Variants in RHPN2 observed in about 807,000 individuals in gnomAD.
RHPN2 encodes rhophilin Rho GTPase binding protein 2.
RHPN2 carries 40 observed loss-of-function variants against 79.0 expected under a neutral mutation model. That is an observed-to-expected ratio of 0.51 (90% CI 0.39 to 0.66). The LOEUF (loss-of-function observed/expected upper bound fraction) is 0.66, where lower values mean the gene tolerates loss of function less well. Ranked by LOEUF, RHPN2 falls within the 30% of genes least tolerant of loss-of-function variation. RHPN2 has a pLI of 0.00. For synonymous variants in RHPN2, 285 were observed against 363.5 expected, an observed-to-expected ratio of 0.78 and a Z score of 2.46; for missense variants, 686 against 883.5, an observed-to-expected ratio of 0.78 and a Z score of 2.83.
intron 1 of RHPN2, among the ~76,000 whole-genome samples, chr19:33,046,804 C>T (rs1972146388): frequency 6.6e-6 from 1 of 151,962 alleles, no homozygotes; most frequent in Non-Finnish European, 1.5e-5. Flanking sequence ...TTTTCATGAA[C>T]TTATTGGCCA....
chr19:33,041,768 C>A (rs1459800762), intron 2 of RHPN2, among the ~76,000 whole-genome samples: 1 of 152,150 alleles, frequency 6.6e-6, no homozygotes, highest in East Asian at 1.9e-4. Flanking sequence ...AACATCACTT[C>A]CCTAGGTGAT....
chr19:33,053,682 A>G (rs1972208107), intron 1 of RHPN2, among the ~76,000 whole-genome samples: 1 of 152,014 alleles, frequency 6.6e-6, no homozygotes, highest in Non-Finnish European at 1.5e-5. Flanking sequence ...TTGGCCTCCA[A>G]AGTGCTGGGA....
At chr19:33,012,540 A>AC in intron 5 of RHPN2, 107 bp downstream of exon 5, 1 of 798,618 alleles carries the variant, frequency 1.3e-6, no homozygotes, top group Middle Eastern at 3.0e-4. Flanking sequence ...CCCAACCATC[A>AC]CCTCTATCCA....
rs144126868 is a variant in RHPN2, at chr19:33,017,896, C to A, written c.390+3675G>T. 8.0e-3 allele frequency among the ~76,000 whole-genome samples: 1,211 copies of A among 151,998 alleles called. 15 individuals carry two copies. The highest frequency in any genetic ancestry group is 0.027 in the African/African-American group (1,132 of 41,468). On this transcript the variant is annotated intron_variant, in intron 4 of 14. Coordinates refer to ENST00000254260, the MANE Select transcript of RHPN2 (RefSeq NM_033103.5). ...ATTAGCCTGGCACGGTGGCTCATGCCTCTAATCCCAGCACTTTGAGAGCCT... is the reference window on the plus strand; with the variant it reads ...ATTAGCCTGGCACGGTGGCTCATGCATCTAATCCCAGCACTTTGAGAGCCT...
intron 1 of RHPN2, among the ~76,000 whole-genome samples, chr19:33,048,739 A>AAAAAAAAAC (rs1972163587): frequency 6.6e-6 from 1 of 151,216 alleles, no homozygotes; most frequent in Non-Finnish European, 1.5e-5. Context: ...AAAAAAAAAA[A>AAAAAAAAAC]AAAAAACTTT....
At chr19:33,041,541 C>A (rs1972100399) in intron 2 of RHPN2, among the ~76,000 whole-genome samples, 1 of 152,164 alleles carries the variant, frequency 6.6e-6, no homozygotes, top group Non-Finnish European at 1.5e-5. Flanking sequence ...CCAACCCAAC[C>A]ACTGCCAGTT....
chr19:33,002,313 C>T lies in RHPN2; in HGVS notation c.1039G>A (p.Val347Met), dbSNP rs767959366. ...IPYSWASLACVKAHHYAALAH... is the reference protein window; with the variant it reads ...IPYSWASLACMKAHHYAALAH... Reference sequence around the variant, plus strand: ...AGGGCCGCGTAGTGGTGGGCCTTCACGCAGGCTAAGCTGGCCCAGGAGTAG... The same window carrying T: ...AGGGCCGCGTAGTGGTGGGCCTTCATGCAGGCTAAGCTGGCCCAGGAGTAG... The change falls in exon 9 of 15, where the codon GTG becomes ATG. Residue 347 changes from valine (V) to methionine (M), a missense_variant. Val to Met is a conservative substitution (Grantham distance 21). Coordinates refer to ENST00000254260, the MANE Select transcript of RHPN2 (RefSeq NM_033103.5). 36 of 1,613,792 alleles carry T rather than the reference C, an allele frequency of 2.2e-5. 1 individual carries two copies. Among genetic ancestry groups the T allele is most frequent in the South Asian group, 1.9e-4 (17 of 91,076 alleles).
At chr19:33,031,403 G>T (rs143899084) in intron 2 of RHPN2, among the ~76,000 whole-genome samples, 3,360 of 151,724 alleles carry the variant, frequency 0.022, 142 homozygotes, top group African/African-American at 0.078. Flanking sequence ...GGGACTACAG[G>T]CATGCACCAC....
intron 3 of RHPN2, among the ~76,000 whole-genome samples, chr19:33,024,062 T>C (rs1276892234): frequency 8.5e-5 from 13 of 152,142 alleles, no homozygotes; most frequent in South Asian, 4.1e-4. Flanking sequence ...CCTGAACCTT[T>C]TGGACAAACA....
At position 32,991,954 on chromosome 19, in the gene RHPN2, A is replaced by G; in HGVS notation, c.1513T>C (p.Phe505Leu). The stretch of plus-strand genomic sequence containing the variant: ...GGCGTCCACCGCTTGTTAGCCGAAA[A>G]CACAGATAAGGGGCCCTTTGGAAGA... ...FFQKLGPLSVFSANKRWTPPR... is the reference protein window; with the variant it reads ...FFQKLGPLSVLSANKRWTPPR... Residue 505 changes from phenylalanine to leucine, a missense_variant, in exon 13 of 15, where the codon TTT becomes CTT. By Grantham distance (22) the Phe-to-Leu change is conservative. Transcript: ENST00000254260. The G allele has an allele frequency of 6.2e-7, 1 of 1,613,972 alleles. No individual in the cohort carries two copies. Among genetic ancestry groups the G allele is most frequent in the Admixed American group, 1.7e-5 (1 of 59,998 alleles).
At chr19:32,991,714 C>G (rs1188727832) in intron 13 of RHPN2, 109 bp downstream of exon 13, 1 of 1,211,598 alleles carries the variant, frequency 8.3e-7, no homozygotes, top group African/African-American at 1.5e-5. Context: ...AATGTAGCAC[C>G]CATGAGGCCC....
In RHPN2 at chr19:33,044,272, C is replaced by T; in HGVS notation, c.162G>A (p.Arg54=). Residue 54 remains arginine, a synonymous_variant, in exon 2 of 15, where the codon AGG becomes AGA. Coordinates refer to ENST00000254260, the MANE Select transcript of RHPN2 (RefSeq NM_033103.5). ...ACTTCAGAAGGTTTTCCGCTCCGGT[C>T]CTCATCCGCACGGCTTTCAGGATCT... is the stretch of plus-strand genomic sequence containing the variant. ...NQQILKAVRM[R]TGAENLLKVA... The T allele has an allele frequency of 6.2e-7, 1 of 1,613,990 alleles. No homozygotes were observed. Among genetic ancestry groups the T allele is most frequent in the Non-Finnish European group, 8.5e-7 (1 of 1,179,972 alleles).
chr19:33,028,046 C>T (rs1309959688), intron 2 of RHPN2, among the ~76,000 whole-genome samples: 1 of 151,952 alleles, frequency 6.6e-6, no homozygotes, highest in Admixed American at 6.6e-5. Flanking sequence ...TCTTTATTTA[C>T]AGATGGCACT....
At chr19:32,983,710 C>T (rs1971595279) in intron 14 of RHPN2, among the ~76,000 whole-genome samples, 1 of 150,588 alleles carries the variant, frequency 6.6e-6, no homozygotes, top group Admixed American at 6.6e-5. Flanking sequence ...TCACTGCAAC[C>T]TCCACCTCCA....
At chr19:33,013,201 AC>A (rs1182614999) in intron 4 of RHPN2, among the ~76,000 whole-genome samples, 10,340 of 94,620 alleles carry the variant, frequency 0.11, 830 homozygotes, top group African/African-American at 0.28. Flanking sequence ...AAAAACAAAA[AC>A]AAAAAACAAA....
In RHPN2 at chr19:33,036,870, G is replaced by GCCCCCC. The variant is rs199550754; in HGVS notation, c.185+7373_185+7378dup. Among the ~76,000 whole-genome samples the GCCCCCC allele has an allele frequency of 7.8e-4, 110 of 141,294 alleles. 1 individual carries two copies. The highest frequency in any genetic ancestry group is 3.1e-3 in the African/African-American group (108 of 35,364). 92.7% of individuals were successfully genotyped at this position (141,294 alleles called of 152,430 possible). ...AGCACCTGTAGCCCGCCATGCCTGAGCCCCCCCGCCACCCTCTGTGGGCTC... is the reference window on the plus strand; with the variant it reads ...AGCACCTGTAGCCCGCCATGCCTGAGCCCCCCCCCCCCCGCCACCCTCTGTGGGCTC... On this transcript the variant is annotated intron_variant, in intron 2 of 14. Transcript: ENST00000254260.
At chr19:32,980,914 T>A (rs1345725939) in intron 14 of RHPN2, among the ~76,000 whole-genome samples, 3 of 151,782 alleles carry the variant, frequency 2.0e-5, no homozygotes, top group Non-Finnish European at 2.9e-5. Context: ...CTCGGCTCAC[T>A]GTAAGCTCCG....
At chr19:33,023,775 A>C (rs1264659398) in intron 3 of RHPN2, among the ~76,000 whole-genome samples, 2 of 132,886 alleles carry the variant, frequency 1.5e-5, no homozygotes, top group Non-Finnish European at 1.5e-5. Flanking sequence ...ACACAGTGAG[A>C]CTCCATCTCA....
intron 1 of RHPN2, among the ~76,000 whole-genome samples, chr19:33,050,727 G>T (rs752679717): frequency 3.3e-5 from 5 of 152,096 alleles, no homozygotes; most frequent in Non-Finnish European, 5.9e-5. Flanking sequence ...TGCCCGGGCT[G>T]GAGCACAGTG....
Sources: gnomAD v4.1 joint callset for allele counts (sites outside exome capture counted in the v4.1 genomes callset) on GRCh38, gnomAD v4.1.1 for gene constraint, MANE v1.5 for transcripts, NCBI Gene and HGNC (gene_info 2026-07-23, HGNC 2026-07-21) for gene names.